TSPAN9: variants seen among roughly 807,000 people sequenced by gnomAD.
TSPAN9 encodes the protein tetraspanin 9, also known as tetraspanin-9.
TSPAN9 carries 16 observed loss-of-function variants against 31.0 expected under a neutral mutation model. The ratio of observed to expected loss-of-function variants is 0.52; its 90% confidence interval spans 0.35 to 0.78. TSPAN9 has a LOEUF of 0.78. TSPAN9 is among the 30% of genes least tolerant of loss of function. The pLI is 0.01. For missense variants in TSPAN9, 272 were observed against 312.5 expected (o/e 0.87, Z 0.98); for synonymous variants, 145 against 121.6 (o/e 1.19, Z -1.27).
At chr12:3,140,135 G>A (rs575223094) in intron 2 of TSPAN9, among the ~76,000 whole-genome samples, 1 of 84,534 alleles carries the variant, frequency 1.2e-5, no homozygotes, top group Admixed American at 1.5e-4. Flanking sequence ...ACTACCCAGA[G>A]TGTGGCCCGT....
chr12:3,207,938 G>A (rs981101044), intron 3 of TSPAN9, among the ~76,000 whole-genome samples: 10 of 152,352 alleles, frequency 6.6e-5, no homozygotes, highest in African/African-American at 2.4e-4. Flanking sequence ...CCAGAAGTGA[G>A]GGCTGTGTTT....
At chr12:3,115,883 T>A (rs1591634614) in intron 2 of TSPAN9, among the ~76,000 whole-genome samples, 1 of 152,348 alleles carries the variant, frequency 6.6e-6, no homozygotes, top group East Asian at 1.9e-4. Context: ...CCAAAGCAGC[T>A]GTACCGTTTT....
rs766796551 is a variant in TSPAN9, at chr12:3,280,459, C to T, written c.408C>T (p.Asn136=). The change falls in exon 6 of 9, where the codon AAC becomes AAT. Residue 136 remains asparagine (N), a synonymous_variant. Transcript: ENST00000011898. The surrounding 1 kb of genome is among the most constrained non-coding windows in gnomAD (Gnocchi z 4.5). ...CCGAGAACAACGTGGGGCTGAAGAA[C>T]GCCTGGAACATCATCCAGGCTGAGG... ...YHTENNVGLK[N]AWNIIQAEMR... 1.9e-5 allele frequency: 30 copies of T among 1,612,928 alleles called. No homozygotes were observed. The highest frequency in any genetic ancestry group is 1.2e-4 in the South Asian group (11 of 91,060).
intron 3 of TSPAN9, among the ~76,000 whole-genome samples, chr12:3,268,949 C>T (rs1202866112): frequency 1.9e-5 from 2 of 104,802 alleles, no homozygotes; most frequent in Non-Finnish European, 3.7e-5. Context: ...TCTCTGTGTT[C>T]CTGCAGCCTG....
intron 2 of TSPAN9, among the ~76,000 whole-genome samples, chr12:3,148,862 G>A (rs1008177076): frequency 1.3e-5 from 2 of 152,158 alleles, no homozygotes; most frequent in African/African-American, 2.4e-5. Flanking sequence ...CATCAGTCAC[G>A]TCCAAGGCTG....
chr12:3,083,739 C>G lies in TSPAN9; in HGVS notation c.-18+20C>G, dbSNP rs2098299070. On this transcript the variant is annotated intron_variant, in intron 2 of 8. Coordinates refer to ENST00000011898, the MANE Select transcript of TSPAN9 (RefSeq NM_006675.5). ...GAACAGGTCAGTGTTGGTCCGGGTC[C>G]ATTGTGGGGTAGGGCCTCTGAACGT... The G allele has an allele frequency of 1.3e-5, 2 of 152,238 alleles. No homozygotes were observed. The highest frequency in any genetic ancestry group is 4.8e-5 in the African/African-American group (2 of 41,446). 9.4% of individuals were successfully genotyped at this position (152,238 alleles called of 1,614,324 possible). A position where few individuals can be genotyped will look rare whatever the true frequency, so the allele number is the denominator to read the frequency against.
chr12:3,108,723 C>G (rs2098315973), intron 2 of TSPAN9, among the ~76,000 whole-genome samples: 1 of 152,124 alleles, frequency 6.6e-6, no homozygotes, highest in African/African-American at 2.4e-5. Flanking sequence ...ATTTTCTTTC[C>G]TATCCCCCTC....
chr12:3,204,563 G>A lies in TSPAN9; in HGVS notation c.63+3307G>A, dbSNP rs1259115861. Among the ~76,000 whole-genome samples the A allele has an allele frequency of 2.0e-5, 3 of 152,186 alleles. 1 individual carries two copies. The highest frequency in any genetic ancestry group is 4.1e-4 in the South Asian group (2 of 4,830). On this transcript the variant is annotated intron_variant, in intron 3 of 8. Coordinates refer to ENST00000011898, the MANE Select transcript of TSPAN9 (RefSeq NM_006675.5). The stretch of plus-strand genomic sequence containing the variant: ...CTGACACTGCGACTTCAACCAGACA[G>A]TTCTAGCCATGTTGGCAGCCCAGTG...
chr12:3,137,558 T>G (rs1233364867), intron 2 of TSPAN9, among the ~76,000 whole-genome samples: 1 of 152,124 alleles, frequency 6.6e-6, no homozygotes, highest in Non-Finnish European at 1.5e-5. Flanking sequence ...TGCTACCCCC[T>G]GGGTTGCAGT....
chr12:3,280,338 G>A lies in TSPAN9; in HGVS notation c.331-44G>A, dbSNP rs748399308. 22 of 1,580,752 alleles carry A rather than the reference G, an allele frequency of 1.4e-5. No individual in the cohort carries two copies. The highest frequency in any genetic ancestry group is 1.3e-4 in the Admixed American group (8 of 59,920). On this transcript the variant is annotated intron_variant, in intron 5 of 8. Transcript: ENST00000011898. The surrounding 1 kb of genome is among the most constrained non-coding windows in gnomAD (Gnocchi z 4.5). ...CTGAGGTGGGCTGGAGAGACGAGCTGCGTCCTGGTTCCAACCGTCTCACTG... is the reference window on the plus strand; with the variant it reads ...CTGAGGTGGGCTGGAGAGACGAGCTACGTCCTGGTTCCAACCGTCTCACTG...
chr12:3,081,840 G>GTATATATATATATATA (rs1279686443), intron 1 of TSPAN9, among the ~76,000 whole-genome samples: 18 of 30,126 alleles, frequency 6.0e-4, no homozygotes, highest in African/African-American at 3.9e-3. Flanking sequence ...GTGTGTCTGT[G>GTATATATATATATATA]TGTGTATATA....
At position 3,168,676 on chromosome 12, in the gene TSPAN9, A is replaced by G. The variant is rs1420753685; in HGVS notation, c.-17-32501A>G. On this transcript the variant is annotated intron_variant, in intron 2 of 8. Coordinates refer to ENST00000011898, the MANE Select transcript of TSPAN9 (RefSeq NM_006675.5). This position sits in a 1 kb window ranked among gnomAD's most constrained non-coding sequence, Gnocchi z 4.0. ...TCAAGAGCAGTTACAGGCATTGGGA[A>G]AAAATTGAGCTCTGGATGGAGAGGA... Among the ~76,000 whole-genome samples the G allele has an allele frequency of 6.6e-6, 1 of 152,206 alleles. No individual in the cohort carries two copies. The highest frequency in any genetic ancestry group is 2.4e-5 in the African/African-American group (1 of 41,466).
intron 2 of TSPAN9, among the ~76,000 whole-genome samples, chr12:3,182,627 C>G (rs909077834): frequency 6.6e-6 from 1 of 152,202 alleles, no homozygotes; most frequent in Admixed American, 6.5e-5. Flanking sequence ...ACTGGCACCC[C>G]ATTCTCTTGC....
At chr12:3,127,500 C>T (rs190908637) in intron 2 of TSPAN9, among the ~76,000 whole-genome samples, 17 of 151,988 alleles carry the variant, frequency 1.1e-4, no homozygotes, top group Admixed American at 5.9e-4. Context: ...GGACTACAGG[C>T]GCCTGCCACG....
intron 2 of TSPAN9, among the ~76,000 whole-genome samples, chr12:3,166,793 T>C (rs1440669115): frequency 2.0e-5 from 3 of 152,102 alleles, no homozygotes; most frequent in Admixed American, 6.6e-5. Flanking sequence ...TTTTGTTTTT[T>C]GTTTTTGTTT....
intron 3 of TSPAN9, among the ~76,000 whole-genome samples, chr12:3,247,309 C>T (rs1448125903): frequency 1.9e-5 from 1 of 52,434 alleles, no homozygotes; most frequent in East Asian, 3.8e-4. Context: ...GCCCCCCCCC[C>T]CCCGCCACCC....
intron 3 of TSPAN9, among the ~76,000 whole-genome samples, chr12:3,211,123 A>G (rs1253877326): frequency 9.5e-6 from 1 of 105,630 alleles, no homozygotes; most frequent in Non-Finnish European, 2.3e-5. Flanking sequence ...TGAATGAGTA[A>G]GTGACTGAAG....
chr12:3,146,802 C>T (rs777550441), intron 2 of TSPAN9, among the ~76,000 whole-genome samples: 66 of 152,006 alleles, frequency 4.3e-4, no homozygotes, highest in South Asian at 8.3e-4. Context: ...TCTGCTTGTG[C>T]GTCTGGACAT....
chr12:3,135,504 C>T (rs2098331695), intron 2 of TSPAN9, among the ~76,000 whole-genome samples: 1 of 152,172 alleles, frequency 6.6e-6, no homozygotes, highest in South Asian at 2.1e-4. Context: ...CCTTCTTACA[C>T]CCTCTGCTTC....
Sources: allele counts gnomAD v4.1 joint callset (sites outside exome capture counted in the v4.1 genomes callset), GRCh38; gene constraint gnomAD v4.1.1; non-coding constraint Gnocchi (gnomAD v3.1); transcripts MANE v1.5; gene names NCBI Gene and HGNC (gene_info 2026-07-23, HGNC 2026-07-21).